Variants in NOTCH2 observed in about 807,000 individuals in gnomAD.
NOTCH2 encodes the protein neurogenic locus notch homolog protein 2.
Under a neutral mutation model 235.8 loss-of-function variants are expected in NOTCH2, and 29 were observed. That is an observed-to-expected ratio of 0.12 (90% CI 0.09 to 0.17). The LOEUF (loss-of-function observed/expected upper bound fraction) is 0.17, where lower values mean the gene tolerates loss of function less well. Among genes scored for constraint, NOTCH2 ranks in the 10% least tolerant of loss-of-function variants. The pLI is 1.00. For synonymous variants in NOTCH2, 1,086 were observed against 1,141.5 expected (o/e 0.95, Z 0.98); for missense variants, 2,285 against 3,150.2 (o/e 0.73, Z 6.57).
At chr1:119,996,030 T>TC (rs1557837728) in intron 4 of NOTCH2, 3 of 153,172 alleles carry the variant, frequency 2.0e-5, no homozygotes, top group African/African-American at 7.2e-5. Flanking sequence ...AGCACATTAC[T>TC]CCCCCCTACA....
At chr1:119,926,644 A>G (rs2101165095) in intron 23 of NOTCH2, 33 bp from the exon 24 acceptor site, 2 of 1,527,454 alleles carry the variant, frequency 1.3e-6, no homozygotes, top group Non-Finnish European at 1.8e-6. Context: ...AGGTTTTAAA[A>G]GGCAGAAGTA....
In NOTCH2 at chr1:119,917,685, G is replaced by T. The variant is rs312262801; in HGVS notation, c.6007C>A (p.Arg2003=). The change falls in exon 33 of 34, where the codon CGA becomes AGA. Residue 2003 remains arginine, a synonymous_variant. Transcript: ENST00000256646. ...TLLLLKNGAN[R]DMQDNKEETP... Reference sequence around the variant, plus strand: ...TGTACCTTGTTGTCCTGCATGTCTCGGTTGGCCCCATTTTTCAACAACAAA... The same window carrying T: ...TGTACCTTGTTGTCCTGCATGTCTCTGTTGGCCCCATTTTTCAACAACAAA... 3.1e-6 allele frequency: 5 copies of T among 1,612,624 alleles called. No individual in the cohort carries two copies. In the African/African-American group the frequency reaches 6.7e-5, roughly 22 times the overall value.
At position 120,005,329 on chromosome 1, in the gene NOTCH2, C is replaced by T. The variant is rs1131692007; in HGVS notation, c.415G>A (p.Gly139Ser). 6.2e-7 allele frequency: 1 copy of T among 1,613,918 alleles called. No homozygotes were observed. The highest frequency in any genetic ancestry group is 1.3e-5 in the African/African-American group (1 of 74,938). The change falls in exon 3 of 34, where the codon GGT (glycine) becomes AGT (serine). Residue 139 changes from glycine to serine, a missense_variant and splice_region_variant. Physicochemically the swap from Gly to Ser is moderately conservative, Grantham distance 56 (BLOSUM62 0). This residue lies in a region of NOTCH2 where 431 missense variants were observed against 757.8 expected (regional missense o/e 0.57). Coordinates refer to ENST00000256646, the MANE Select transcript of NOTCH2 (RefSeq NM_024408.4). ...YECTCQVGFT[G>S]KECQWTDACL... The stretch of plus-strand genomic sequence containing the variant: ...CACTGGCTTTGGTCTCATTAGTTAC[C>T]TGTAAACCCGACTTGACAGGTGCAC...
intron 3 of NOTCH2, among the ~76,000 whole-genome samples, chr1:120,002,868 T>C (rs1381142495): frequency 1.1e-4 from 16 of 149,270 alleles, no homozygotes; most frequent in African/African-American, 4.1e-4. Context: ...ATAGTTGTAC[T>C]ACATCAGGTG....
intron 17 of NOTCH2, among the ~76,000 whole-genome samples, chr1:119,943,830 T>G (rs1553196746): frequency 6.6e-6 from 1 of 151,996 alleles, no homozygotes; most frequent in African/African-American, 2.4e-5. Context: ...ACTCAATATA[T>G]TCAAGAAGGA....
chr1:120,011,715 A>C (rs587727448), intron 2 of NOTCH2, among the ~76,000 whole-genome samples: 2 of 152,244 alleles, frequency 1.3e-5, no homozygotes, highest in Admixed American at 6.5e-5. Context: ...AAGCTTAGAA[A>C]GATTAAGATT....
In NOTCH2 at chr1:119,913,065, A is replaced by T. The variant is rs1648943264; in HGVS notation, c.*2241T>A. 4.3e-6 allele frequency: 1 copy of T among 233,308 alleles called. No homozygotes were observed. 14.5% of individuals were successfully genotyped at this position (233,308 alleles called of 1,614,324 possible). A position where few individuals can be genotyped will look rare whatever the true frequency, so the allele number is the denominator to read the frequency against. ...AGCAGGAGGGCAGAAAGGGGCAGGT[A>T]CGCTGTGGTCCACAGAGGTCCATGC... On this transcript the variant is annotated 3_prime_UTR_variant, in exon 34 of 34. Transcript: ENST00000256646.
At position 119,997,199 on chromosome 1, in the gene NOTCH2, G is replaced by C. The variant is rs2101211515; in HGVS notation, c.549C>G (p.Val183=). ...GFTGQKCETD[V]NECDIPGHCQ... ...AGTGTCCTGGAATGTCACACTCATT[G>C]ACATCAGTCTCACATTTCTGCCCTG... The change falls in exon 4 of 34, where the codon GTC becomes GTG. Residue 183 remains valine (V), a synonymous_variant. Transcript: ENST00000256646. 3 of 1,614,010 alleles carry C rather than the reference G, an allele frequency of 1.9e-6. No homozygotes were observed. Among genetic ancestry groups the C allele is most frequent in the South Asian group, 2.2e-5 (2 of 91,074 alleles).
chr1:120,010,481 G>A (rs1553206785), intron 2 of NOTCH2, among the ~76,000 whole-genome samples: 1 of 151,706 alleles, frequency 6.6e-6, no homozygotes, highest in East Asian at 1.9e-4. Context: ...TACAGACTCT[G>A]GAACCAGACC....
chr1:120,037,737 AG>A (rs1164027000), intron 1 of NOTCH2, among the ~76,000 whole-genome samples: 1 of 151,760 alleles, frequency 6.6e-6, no homozygotes, highest in East Asian at 1.9e-4. Context: ...TAGTGTTCCA[AG>A]GATTTATGTG....
rs373667418 is a variant in NOTCH2, at chr1:119,918,520, C to A, written c.5815G>T (p.Ala1939Ser). 2.8e-5 allele frequency: 45 copies of A among 1,614,008 alleles called. No individual in the cohort carries two copies. The African/African-American group carries it at 5.2e-4, about 19-fold the overall frequency. The change falls in exon 32 of 34, where the codon GCC (alanine) becomes TCC (serine). Residue 1939 changes from alanine to serine, a missense_variant. Coordinates refer to ENST00000256646, the MANE Select transcript of NOTCH2 (RefSeq NM_024408.4). ...LIRNRVTDLD[A>S]RMNDGTTPLI... ...GGTGTAGTACCATCATTCATCCTGG[C>A]ATCTAGATCAGTTACTCGGTTGCGA...
rs1649454034 is a variant in NOTCH2 at position 119,925,776 on chromosome 1, C to T, written c.4040G>A (p.Gly1347Glu). The change falls in exon 25 of 34, where the codon GGA (glycine) becomes GAA (glutamate). Residue 1347 changes from glycine (G) to glutamate (E), a missense_variant. This residue lies in a region of NOTCH2 where 1,173 missense variants were observed against 1,515.3 expected (regional missense o/e 0.77). Transcript: ENST00000256646. ...CTCCCCCTTCCTACATTTCACTTGT[C>T]CACAGCTGCTCTGGCACCTTGCCCC... ...FSGARCQSSC[G>E]QVKCRKGEQC... 2 of 1,614,142 alleles carry T rather than the reference C, an allele frequency of 1.2e-6. No homozygotes were observed. Among genetic ancestry groups the T allele is most frequent in the Non-Finnish European group, 1.7e-6 (2 of 1,180,038 alleles).
intron 5 of NOTCH2, among the ~76,000 whole-genome samples, chr1:119,974,410 A>G (rs1229921721): frequency 1.3e-5 from 2 of 152,184 alleles, no homozygotes; most frequent in Admixed American, 6.5e-5. Context: ...GAAAGAAGAT[A>G]ACTTGTTTTT....
At chr1:119,972,310 A>G (rs191761263) in intron 5 of NOTCH2, among the ~76,000 whole-genome samples, 3 of 152,162 alleles carry the variant, frequency 2.0e-5, no homozygotes, top group Non-Finnish European at 4.4e-5. Context: ...CAGCTGTGTT[A>G]TTAGGATGCA....
At chr1:119,952,542 C>T (rs1166069812) in intron 14 of NOTCH2, among the ~76,000 whole-genome samples, 1 of 152,174 alleles carries the variant, frequency 6.6e-6, no homozygotes, top group African/African-American at 2.4e-5. Context: ...GCACAATCTA[C>T]ATCCTTCACA....
chr1:119,963,435 T>C, intron 11 of NOTCH2, 139 bp downstream of exon 11: 1 of 828,320 alleles, frequency 1.2e-6, no homozygotes, highest in South Asian at 1.4e-5. Context: ...ACATTTATGT[T>C]TGTGGCTTTG....
intron 5 of NOTCH2, among the ~76,000 whole-genome samples, chr1:119,976,614 G>A (rs868996367): frequency 2.0e-4 from 31 of 151,984 alleles, no homozygotes; most frequent in African/African-American, 6.3e-4. Context: ...CTAAAGAGCC[G>A]CCAGGATGAT....
intron 4 of NOTCH2, among the ~76,000 whole-genome samples, chr1:119,988,101 ATACT>A (rs1293389777): frequency 6.6e-6 from 1 of 152,122 alleles, no homozygotes; most frequent in Non-Finnish European, 1.5e-5. Flanking sequence ...CTCACTCAAA[ATACT>A]TACTGGGACT....
intron 1 of NOTCH2, among the ~76,000 whole-genome samples, chr1:120,033,374 G>GCA (rs1654171630): frequency 1.0e-5 from 1 of 99,318 alleles, no homozygotes; most frequent in South Asian, 5.1e-4. Context: ...TTGCTCCACT[G>GCA]CACTCCAGCC....
Sources: gnomAD v4.1 joint callset for allele counts (sites outside exome capture counted in the v4.1 genomes callset) on GRCh38, gnomAD v4.1.1 for gene constraint, gnomAD v4.1.1 regional missense constraint, MANE v1.5 for transcripts, NCBI Gene and HGNC (gene_info 2026-07-23, HGNC 2026-07-21) for gene names.